The following CD2AP variants were observed in gnomAD, a reference collection of about 807,000 sequenced individuals.
The protein encoded by CD2AP is CD2-associated protein.
CD2AP carries 46 observed loss-of-function variants against 85.1 expected under a neutral mutation model. The observed-to-expected ratio is 0.54, with a 90% confidence interval of 0.43 to 0.69. CD2AP has a LOEUF of 0.69. Ranked by LOEUF, CD2AP falls within the 30% of genes least tolerant of loss-of-function variation. The pLI is 0.00. For missense variants in CD2AP, 769 were observed against 729.5 expected (o/e 1.05, Z -0.62); for synonymous variants, 255 against 252.9 (o/e 1.01, Z -0.08).
At chr6:47,529,862 C>A (rs912403095) in intron 2 of CD2AP, among the ~76,000 whole-genome samples, 1 of 152,192 alleles carries the variant, frequency 6.6e-6, no homozygotes, top group Non-Finnish European at 1.5e-5. Context: ...GCCGTCTGCT[C>A]GCCTTGCTAT....
At chr6:47,569,104 T>C (rs1019817209) in intron 5 of CD2AP, among the ~76,000 whole-genome samples, 1 of 152,158 alleles carries the variant, frequency 6.6e-6, no homozygotes, top group Admixed American at 6.5e-5. Context: ...TTAGGCAGTG[T>C]AGAGAGTAAG....
intron 11 of CD2AP, among the ~76,000 whole-genome samples, chr6:47,590,723 T>A (rs1768770287): frequency 6.6e-6 from 1 of 152,078 alleles, no homozygotes; most frequent in Non-Finnish European, 1.5e-5. Context: ...GAAGGTCTTA[T>A]GTACATGTAA....
At chr6:47,581,883 C>A in intron 10 of CD2AP, 120 bp from the exon 11 acceptor site, 1 of 707,600 alleles carries the variant, frequency 1.4e-6, no homozygotes. Context: ...ATTGTTCTTT[C>A]TATTAAACCA....
At chr6:47,569,996 A>T (rs1359676724) in intron 5 of CD2AP, among the ~76,000 whole-genome samples, 1 of 152,188 alleles carries the variant, frequency 6.6e-6, no homozygotes, top group African/African-American at 2.4e-5. Context: ...ACTATGCAAT[A>T]TTGATTGATT....
intron 13 of CD2AP, among the ~76,000 whole-genome samples, chr6:47,602,372 G>GA (rs1769164280): frequency 6.6e-6 from 1 of 151,760 alleles, no homozygotes; most frequent in African/African-American, 2.4e-5. Flanking sequence ...TTGGTTTAAG[G>GA]AAAATCTCAG....
intron 2 of CD2AP, among the ~76,000 whole-genome samples, chr6:47,516,791 T>C (rs139103350): frequency 4.2e-4 from 64 of 152,322 alleles, no homozygotes; most frequent in Admixed American, 7.8e-4. Flanking sequence ...ATTTTTAGTT[T>C]CAGAGTAATT....
At chr6:47,580,931 A>C in intron 10 of CD2AP, 31 bp downstream of exon 10, 1 of 1,521,808 alleles carries the variant, frequency 6.6e-7, no homozygotes, top group Non-Finnish European at 9.1e-7. Context: ...TCAGTTTGCT[A>C]TTTTCCATTT....
In CD2AP at chr6:47,554,678, T is replaced by A; in HGVS notation, c.453T>A (p.Asn151Lys). 6.2e-7 allele frequency: 1 copy of A among 1,613,772 alleles called. No homozygotes were observed. Among genetic ancestry groups the A allele is most frequent in the Non-Finnish European group, 8.5e-7 (1 of 1,179,794 alleles). The change falls in exon 5 of 18, where the codon AAT becomes AAA. Residue 151 changes from asparagine to lysine, a missense_variant. Transcript: ENST00000359314. ...AAGGCTGGTGGAGTGGAACCCTGAA[T>A]AACAAGTTGGGACTGTTTCCCTCAA... is the stretch of plus-strand genomic sequence containing the variant. Reference protein sequence around the residue: ...VEEGWWSGTLNNKLGLFPSNF... With the variant: ...VEEGWWSGTLKNKLGLFPSNF...
intron 17 of CD2AP, among the ~76,000 whole-genome samples, chr6:47,613,674 A>G (rs901801596): frequency 6.6e-6 from 1 of 152,162 alleles, no homozygotes; most frequent in Non-Finnish European, 1.5e-5. Context: ...TCAGAATGAT[A>G]AATAAGTGAT....
At chr6:47,519,723 A>G (rs1038750896) in intron 2 of CD2AP, among the ~76,000 whole-genome samples, 41 of 152,214 alleles carry the variant, frequency 2.7e-4, no homozygotes, top group African/African-American at 9.9e-4. Flanking sequence ...GAAAGGAGAA[A>G]TTGGAGAAGA....
chr6:47,504,087 A>G (rs763725659), intron 2 of CD2AP, among the ~76,000 whole-genome samples: 2 of 152,222 alleles, frequency 1.3e-5, no homozygotes, highest in Non-Finnish European at 2.9e-5. Flanking sequence ...CCAGAAAACA[A>G]TCTTTAGGGC....
intron 1 of CD2AP, among the ~76,000 whole-genome samples, chr6:47,500,032 T>A (rs1234832572): frequency 5.3e-5 from 8 of 151,946 alleles, no homozygotes; most frequent in African/African-American, 1.7e-4. Context: ...CCTGCAGGAG[T>A]TAAGAATTTT....
At chr6:47,497,713 G>A (rs540003063) in intron 1 of CD2AP, among the ~76,000 whole-genome samples, 1 of 152,144 alleles carries the variant, frequency 6.6e-6, no homozygotes, top group South Asian at 2.1e-4. Context: ...AACTGCACCC[G>A]GACAATTATA....
chr6:47,601,735 A>G (rs1769142020), intron 13 of CD2AP, among the ~76,000 whole-genome samples: 2 of 152,024 alleles, frequency 1.3e-5, no homozygotes, highest in African/African-American at 4.8e-5. Flanking sequence ...AGCCTCAAAT[A>G]TAATGTGTGA....
At chr6:47,612,745 C>T (rs1769482365) in intron 17 of CD2AP, among the ~76,000 whole-genome samples, 1 of 151,944 alleles carries the variant, frequency 6.6e-6, no homozygotes, top group African/African-American at 2.4e-5. Context: ...TTATGTTAAG[C>T]CAGGCACAGA....
chr6:47,499,307 A>ATGTGTG (rs34508069), intron 1 of CD2AP, among the ~76,000 whole-genome samples: 16 of 150,344 alleles, frequency 1.1e-4, no homozygotes, highest in Admixed American at 2.6e-4. Context: ...GTGTATGTGC[A>ATGTGTG]TGTGTGTGTG....
chr6:47,490,152 TAAAC>T (rs956036875), intron 1 of CD2AP, among the ~76,000 whole-genome samples: 14 of 152,078 alleles, frequency 9.2e-5, no homozygotes, highest in African/African-American at 1.7e-4. Flanking sequence ...TTTAAAAAAA[TAAAC>T]AAAAACTGTA....
chr6:47,492,335 C>G (rs961232899), intron 1 of CD2AP, among the ~76,000 whole-genome samples: 18 of 146,122 alleles, frequency 1.2e-4, no homozygotes, highest in African/African-American at 4.2e-4. Flanking sequence ...TTTGGTGGCT[C>G]ACACCTGTAA....
chr6:47,504,239 G>A (rs940942945), intron 2 of CD2AP, among the ~76,000 whole-genome samples: 1 of 152,164 alleles, frequency 6.6e-6, no homozygotes, highest in Non-Finnish European at 1.5e-5. Context: ...TCATTCCCTG[G>A]CCTCATTAGA....
Sources: gnomAD v4.1 joint callset for allele counts (sites outside exome capture counted in the v4.1 genomes callset) on GRCh38, gnomAD v4.1.1 for gene constraint, MANE v1.5 for transcripts, NCBI Gene and HGNC (gene_info 2026-07-23, HGNC 2026-07-21) for gene names.